Variants in TOPORS observed in about 807,000 individuals in gnomAD.
The protein encoded by TOPORS is TOP1 binding arginine/serine rich protein, E3 ubiquitin ligase.
In TOPORS, 25 loss-of-function variants were observed where a neutral mutation model predicts 81.4. The observed-to-expected ratio is 0.31, with a 90% CI of 0.22 to 0.43. The LOEUF (loss-of-function observed/expected upper bound fraction) is 0.43. Among genes scored for constraint, TOPORS ranks in the 20% least tolerant of loss-of-function variants. TOPORS has a pLI of 1.00. For missense variants in TOPORS, 1,101 were observed against 1,267.0 expected (o/e 0.87, Z 1.99); for synonymous variants, 473 against 456.6 (o/e 1.04, Z -0.46).
rs1821100376 is a variant in TOPORS, at chr9:32,543,395, G to C, written c.1130C>G (p.Pro377Arg). 6.2e-7 allele frequency: 1 copy of C among 1,613,896 alleles called. No individual in the cohort carries two copies. Among genetic ancestry groups the C allele is most frequent in the Non-Finnish European group, 8.5e-7 (1 of 1,179,830 alleles). The change falls in exon 3 of 3, where the codon CCT becomes CGT. Residue 377 changes from proline to arginine, a missense_variant. Physicochemically the swap from Pro to Arg is moderately radical, Grantham distance 103. Around this residue, in one of 9 missense-constraint regions of TOPORS, gnomAD observed 103 missense variants for 112.1 expected, o/e 0.92. Transcript: ENST00000360538. This position sits in a 1 kb window ranked among gnomAD's most constrained non-coding sequence, Gnocchi z 5.6. ...GCTGCCTTCTTCGTATGAAGGAGCA[G>C]GGCAATCATAATTGGCATGCTGGTC... ...AFDQHANYDC[P>R]APSYEEGSHS...
intron 2 of TOPORS, among the ~76,000 whole-genome samples, chr9:32,545,675 C>G (rs902781787): frequency 6.6e-6 from 1 of 151,962 alleles, no homozygotes; most frequent in East Asian, 1.9e-4. Context: ...ACAGGAGAAT[C>G]GCTTGAACCC....
At chr9:32,544,409 T>A in intron 2 of TOPORS, 83 bp from the exon 3 acceptor site, 1 of 1,384,468 alleles carries the variant, frequency 7.2e-7, no homozygotes, top group Non-Finnish European at 9.9e-7. Flanking sequence ...AATAAAGACC[T>A]TGAAACTTAT....
rs79033650 is a variant in TOPORS, at chr9:32,546,736, T to C, written c.199-2410A>G. On this transcript the variant is annotated intron_variant, in intron 2 of 2. Coordinates refer to ENST00000360538, the MANE Select transcript of TOPORS (RefSeq NM_005802.5). ...TTTTAAAAAAATGAAACCTTACCCT[T>C]CCCTTCTCTAGTTTTATAAGCCTGT... Among the ~76,000 whole-genome samples the C allele has an allele frequency of 7.9e-5, 12 of 152,310 alleles. 1 individual carries two copies. In the East Asian group the frequency reaches 2.3e-3, roughly 29 times the overall value.
chr9:32,543,490 A>ACTG lies in TOPORS; in HGVS notation c.1034_1035insCAG (p.Leu345_Asn346insSer). On this transcript the variant is annotated inframe_insertion, in exon 3 of 3. Coordinates refer to ENST00000360538, the MANE Select transcript of TOPORS (RefSeq NM_005802.5). This position sits in a 1 kb window ranked among gnomAD's most constrained non-coding sequence, Gnocchi z 5.6. ...CATGTATAAAATGCTCAGTTCGATTAAGTAAAAATGGTCTTAAATCAGACA... is the reference window on the plus strand; with the variant it reads ...CATGTATAAAATGCTCAGTTCGATTACTGAGTAAAAATGGTCTTAAATCAGACA... 1 of 1,613,826 alleles carries ACTG rather than the reference A, an allele frequency of 6.2e-7. No homozygotes were observed. Among genetic ancestry groups the ACTG allele is most frequent in the Non-Finnish European group, 8.5e-7 (1 of 1,180,026 alleles).
chr9:32,544,129 T>C lies in TOPORS; in HGVS notation c.396A>G (p.Ser132=). Residue 132 remains serine, a synonymous_variant, in exon 3 of 3, where the codon TCA becomes TCG. Transcript: ENST00000360538. The part of the protein sequence containing the change: ...KFCFRCVQEW[S]KNKAECPLCK... ...ATAGTGGGCATTCAGCTTTGTTTTTTGACCACTCCTGTACACAGCGAAAAC... is the reference window on the plus strand; with the variant it reads ...ATAGTGGGCATTCAGCTTTGTTTTTCGACCACTCCTGTACACAGCGAAAAC... 1 of 1,614,188 alleles carries C rather than the reference T, an allele frequency of 6.2e-7. No homozygotes were observed. Among genetic ancestry groups the C allele is most frequent in the Non-Finnish European group, 8.5e-7 (1 of 1,180,040 alleles).
In TOPORS at chr9:32,552,458, G is replaced by C; in HGVS notation, c.-22C>G. On this transcript the variant is annotated 5_prime_UTR_variant, in exon 1 of 3. Coordinates refer to ENST00000360538, the MANE Select transcript of TOPORS (RefSeq NM_005802.5). ...CCATGAAGCCAGTAAGTCGTCGCAC[G>C]CTGGACTGGATTTATTCAGTGGTAA... 1.2e-6 allele frequency: 2 copies of C among 1,602,798 alleles called. No individual in the cohort carries two copies. Among genetic ancestry groups the C allele is most frequent in the Non-Finnish European group, 1.7e-6 (2 of 1,175,098 alleles).
In TOPORS at chr9:32,550,851, G is replaced by T; in HGVS notation, c.121C>A (p.Arg41=). The change falls in exon 2 of 3, where the codon CGA becomes AGA. Residue 41 remains arginine, a synonymous_variant. Transcript: ENST00000360538. ...SRRVRLRGSC[R]HRPSFLGCRE... is the part of the protein sequence containing the mutation. ...CAGCCCAGAAAGCTAGGTCGGTGTCGGCAGGATCCGCGAAGGCGTACCCGG... is the reference window on the plus strand; with the variant it reads ...CAGCCCAGAAAGCTAGGTCGGTGTCTGCAGGATCCGCGAAGGCGTACCCGG... The T allele has an allele frequency of 6.2e-7, 1 of 1,612,984 alleles. No individual in the cohort carries two copies. The highest frequency in any genetic ancestry group is 8.5e-7 in the Non-Finnish European group (1 of 1,179,780).
chr9:32,541,114 A>G lies in TOPORS; in HGVS notation c.*273T>C, dbSNP rs934175967. On this transcript the variant is annotated 3_prime_UTR_variant, in exon 3 of 3. Coordinates refer to ENST00000360538, the MANE Select transcript of TOPORS (RefSeq NM_005802.5). Reference sequence around the variant, plus strand: ...ATGAAATAACTTCTAAAATTTATATAATTTTTCTTATTTAAAAAGGACCCC... The same window carrying G: ...ATGAAATAACTTCTAAAATTTATATGATTTTTCTTATTTAAAAAGGACCCC... 1.1e-5 allele frequency: 3 copies of G among 280,862 alleles called. No homozygotes were observed. Among genetic ancestry groups the G allele is most frequent in the South Asian group, 1.1e-4 (2 of 17,806 alleles). 17.4% of individuals were successfully genotyped at this position (280,862 alleles called of 1,614,324 possible).
chr9:32,548,566 C>A (rs887764079), intron 2 of TOPORS, among the ~76,000 whole-genome samples: 2 of 152,080 alleles, frequency 1.3e-5, no homozygotes, highest in Non-Finnish European at 2.9e-5. Flanking sequence ...AGTGGCTGAT[C>A]TGCAAGAGAC....
At chr9:32,548,454 A>G (rs1462768838) in intron 2 of TOPORS, among the ~76,000 whole-genome samples, 1 of 151,922 alleles carries the variant, frequency 6.6e-6, no homozygotes, top group Non-Finnish European at 1.5e-5. Context: ...AACCCCCGGG[A>G]GGCGGAGGTT....
intron 2 of TOPORS, among the ~76,000 whole-genome samples, chr9:32,548,294 C>T (rs567867438): frequency 5.7e-4 from 86 of 151,392 alleles, no homozygotes; most frequent in African/African-American, 1.8e-3. Context: ...GAGGCTGAGG[C>T]GGGCAGATCA....
At position 32,544,138 on chromosome 9, in the gene TOPORS, C is replaced by T; in HGVS notation, c.387G>A (p.Gln129=). The T allele has an allele frequency of 1.2e-6, 2 of 1,614,124 alleles. No individual in the cohort carries two copies. Among genetic ancestry groups the T allele is most frequent in the Non-Finnish European group, 1.7e-6 (2 of 1,180,030 alleles). ...CLHKFCFRCV[Q]EWSKNKAECP... The stretch of plus-strand genomic sequence containing the variant: ...ATTCAGCTTTGTTTTTTGACCACTC[C>T]TGTACACAGCGAAAACAGAACTTAT... The change falls in exon 3 of 3, where the codon CAG becomes CAA. Residue 129 remains glutamine, a synonymous_variant. Coordinates refer to ENST00000360538, the MANE Select transcript of TOPORS (RefSeq NM_005802.5).
chr9:32,542,320 T>A lies in TOPORS; in HGVS notation c.2205A>T (p.Ser735=). The A allele has an allele frequency of 6.2e-7, 1 of 1,614,182 alleles. No homozygotes were observed. Among genetic ancestry groups the A allele is most frequent in the Non-Finnish European group, 8.5e-7 (1 of 1,180,026 alleles). The change falls in exon 3 of 3, where the codon TCA becomes TCT. Residue 735 remains serine (S), a synonymous_variant. Coordinates refer to ENST00000360538, the MANE Select transcript of TOPORS (RefSeq NM_005802.5). ...LSRAHYSRQS[S]SPEFRVQSFS... is the part of the protein sequence containing the mutation. The stretch of plus-strand genomic sequence containing the variant: ...AGGACTGAACTCTAAATTCTGGACT[T>A]GAAGACTGTCTAGAATAATGAGCTC...
chr9:32,541,725 G>T lies in TOPORS; in HGVS notation c.2800C>A (p.Pro934Thr). 6.2e-7 allele frequency: 1 copy of T among 1,614,116 alleles called. No individual in the cohort carries two copies. The highest frequency in any genetic ancestry group is 8.5e-7 in the Non-Finnish European group (1 of 1,180,012). Residue 934 changes from proline to threonine, a missense_variant, in exon 3 of 3, where the codon CCT (proline) becomes ACT (threonine). Pro to Thr is a conservative substitution (Grantham distance 38, BLOSUM62 -1). Around this residue, in one of 9 missense-constraint regions of TOPORS, gnomAD observed 605 missense variants for 636.1 expected, o/e 0.95. Coordinates refer to ENST00000360538, the MANE Select transcript of TOPORS (RefSeq NM_005802.5). ...TECDNSGPQDPLQNEFLAPSL... is the reference protein window; with the variant it reads ...TECDNSGPQDTLQNEFLAPSL... ...GGAGCCAAAAACTCATTTTGTAGAG[G>T]GTCTTGAGGACCACTATTGTCACAT...
At position 32,542,892 on chromosome 9, in the gene TOPORS, T is replaced by C. The variant is rs899605953; in HGVS notation, c.1633A>G (p.Ile545Val). ...PHSVLGKDEQ[I>V]NKGHCDSSTR... ...CTAGAATCACAATGACCTTTATTTA[T>C]TTGTTCATCCTTTCCAAGGACAGAG... Residue 545 changes from isoleucine to valine, a missense_variant, in exon 3 of 3, where the codon ATA (isoleucine) becomes GTA (valine). By Grantham distance (29) the Ile-to-Val change is conservative (BLOSUM62 3). Around this residue, in one of 9 missense-constraint regions of TOPORS, gnomAD observed 605 missense variants for 636.1 expected, o/e 0.95. Transcript: ENST00000360538. 7.4e-6 allele frequency: 12 copies of C among 1,614,078 alleles called. No individual in the cohort carries two copies. Among genetic ancestry groups the C allele is most frequent in the Middle Eastern group, 1.6e-4 (1 of 6,084 alleles).
chr9:32,547,363 G>C (rs1003489398), intron 2 of TOPORS, among the ~76,000 whole-genome samples: 3 of 151,990 alleles, frequency 2.0e-5, no homozygotes, highest in African/African-American at 7.3e-5. Context: ...ATATACCCAA[G>C]GGAAACGAAA....
At position 32,545,068 on chromosome 9, in the gene TOPORS, A is replaced by C. The variant is rs1370923810; in HGVS notation, c.199-742T>G. Among the ~76,000 whole-genome samples, 12 of 152,366 alleles carry C rather than the reference A, an allele frequency of 7.9e-5. No homozygotes were observed. The East Asian group carries it at 2.3e-3, about 29-fold the overall frequency. On this transcript the variant is annotated intron_variant, in intron 2 of 2. Transcript: ENST00000360538. The stretch of plus-strand genomic sequence containing the variant: ...TTTTCAACCTTAGAAAGCTAATTTT[A>C]AAAAGGGAGAGGAAACTTTTAGTGA...
chr9:32,550,719 C>A, intron 2 of TOPORS, 55 bp downstream of exon 2: 2 of 1,593,566 alleles, frequency 1.3e-6, no homozygotes, highest in Non-Finnish European at 1.7e-6. Flanking sequence ...GGCGGGAGCG[C>A]CAACTCCCAC....
chr9:32,541,255 A>G lies in TOPORS; in HGVS notation c.*132T>C. 1 of 938,176 alleles carries G rather than the reference A, an allele frequency of 1.1e-6. No individual in the cohort carries two copies. The highest frequency in any genetic ancestry group is 1.6e-6 in the Non-Finnish European group (1 of 635,022). The allele number at this position is 938,176 out of a possible 1,614,324, so 58.1% of individuals were successfully genotyped here. On this transcript the variant is annotated 3_prime_UTR_variant, in exon 3 of 3. Transcript: ENST00000360538. ...TTTTTACAAATTAACACCAAAAAAA[A>G]AATCATTTAAAATATTGTAAGGAGG... is the stretch of plus-strand genomic sequence containing the variant.
Sources: allele counts gnomAD v4.1 joint callset (sites outside exome capture counted in the v4.1 genomes callset), GRCh38; gene constraint gnomAD v4.1.1; regional missense constraint gnomAD v4.1.1; non-coding constraint Gnocchi (gnomAD v3.1); transcripts MANE v1.5; gene names NCBI Gene and HGNC (gene_info 2026-07-23, HGNC 2026-07-21).